GABRG3: variants seen among roughly 807,000 people sequenced by gnomAD.
GABRG3 encodes the protein gamma-aminobutyric acid type A receptor subunit gamma3.
Under a neutral mutation model 48.8 loss-of-function variants are expected in GABRG3, and 25 were observed. The ratio of observed to expected loss-of-function variants is 0.51; its 90% CI spans 0.37 to 0.72. The LOEUF (loss-of-function observed/expected upper bound fraction) is 0.72. GABRG3 is among the 30% of genes least tolerant of loss of function. GABRG3 has a pLI of 0.00. For synonymous variants in GABRG3, 227 were observed against 217.6 expected, an observed-to-expected ratio of 1.04 and a Z score of -0.38; for missense variants, 394 against 577.9, an observed-to-expected ratio of 0.68 and a Z score of 3.26.
intron 3 of GABRG3, among the ~76,000 whole-genome samples, chr15:27,306,585 CAT>C (rs1204220863): frequency 4.3e-3 from 181 of 42,536 alleles, no homozygotes; most frequent in East Asian, 0.013. Context: ...TATATATAAA[CAT>C]ATAATATAAA....
At chr15:27,307,711 C>T (rs189482588) in intron 3 of GABRG3, among the ~76,000 whole-genome samples, 1 of 103,366 alleles carries the variant, frequency 9.7e-6, no homozygotes, top group African/African-American at 4.4e-5. Context: ...ATATATAAAC[C>T]TATAGGTTTA....
chr15:27,505,278 T>A (rs941033313), intron 6 of GABRG3, among the ~76,000 whole-genome samples: 1 of 152,188 alleles, frequency 6.6e-6, no homozygotes, highest in Non-Finnish European at 1.5e-5. Flanking sequence ...CAATATAACT[T>A]ATTACTGGTG....
At chr15:27,277,416 T>G (rs1428502954) in intron 3 of GABRG3, among the ~76,000 whole-genome samples, 1 of 152,220 alleles carries the variant, frequency 6.6e-6, no homozygotes, top group African/African-American at 2.4e-5. Context: ...GAGTACAAAC[T>G]AGTTTATATT....
intron 3 of GABRG3, among the ~76,000 whole-genome samples, chr15:27,119,798 GT>G (rs1161334167): frequency 2.0e-5 from 3 of 152,226 alleles, no homozygotes; most frequent in African/African-American, 7.2e-5. Context: ...AGGTGCCACA[GT>G]TCCAAGAAGC....
intron 6 of GABRG3, among the ~76,000 whole-genome samples, chr15:27,505,313 A>G (rs1392245972): frequency 3.3e-5 from 5 of 152,162 alleles, no homozygotes; most frequent in Non-Finnish European, 1.5e-5. Flanking sequence ...CACTTGGTTA[A>G]AGTGCTGTCT....
intron 3 of GABRG3, among the ~76,000 whole-genome samples, chr15:27,047,383 C>G (rs1047071675): frequency 2.6e-5 from 4 of 152,214 alleles, no homozygotes; most frequent in African/African-American, 9.6e-5. Flanking sequence ...TTCATGGGCA[C>G]TGACTATCAT....
intron 5 of GABRG3, among the ~76,000 whole-genome samples, chr15:27,377,374 T>C (rs929702266): frequency 2.6e-5 from 4 of 152,154 alleles, no homozygotes; most frequent in African/African-American, 4.8e-5. Flanking sequence ...ATTGCCTCAC[T>C]CTGCTGGTAC....
chr15:27,008,635 CT>C (rs5811470), intron 2 of GABRG3, among the ~76,000 whole-genome samples: 14 of 148,646 alleles, frequency 9.4e-5, no homozygotes, highest in South Asian at 4.3e-4. Flanking sequence ...GTGCTGGCAG[CT>C]TTTTTTTTTA....
At chr15:27,153,874 A>C (rs1898368442) in intron 3 of GABRG3, among the ~76,000 whole-genome samples, 1 of 151,954 alleles carries the variant, frequency 6.6e-6, no homozygotes, top group South Asian at 2.1e-4. Context: ...GAATCATTCT[A>C]CTCCGATGTT....
chr15:27,091,803 C>A (rs111508202), intron 3 of GABRG3, among the ~76,000 whole-genome samples: 9 of 152,292 alleles, frequency 5.9e-5, no homozygotes, highest in African/African-American at 2.2e-4. Flanking sequence ...ACTCGGCCTG[C>A]CCTATTCAAG....
At chr15:27,529,073 T>C (rs1891353068) in intron 9 of GABRG3, among the ~76,000 whole-genome samples, 1 of 152,204 alleles carries the variant, frequency 6.6e-6, no homozygotes. Flanking sequence ...CAAAATGACA[T>C]GACCACCCTC....
chr15:27,237,578 T>C (rs1566975695), intron 3 of GABRG3, among the ~76,000 whole-genome samples: 1 of 151,874 alleles, frequency 6.6e-6, no homozygotes, highest in African/African-American at 2.4e-5. Context: ...CAGGGATAAG[T>C]TAGGAAAGGT....
chr15:27,315,377 A>C (rs1199524574), intron 3 of GABRG3, among the ~76,000 whole-genome samples: 1 of 152,190 alleles, frequency 6.6e-6, no homozygotes, highest in Non-Finnish European at 1.5e-5. Flanking sequence ...AGTAGGACAA[A>C]ATATACACAT....
chr15:27,221,231 G>A (rs934352665), intron 3 of GABRG3, among the ~76,000 whole-genome samples: 5 of 152,128 alleles, frequency 3.3e-5, no homozygotes, highest in Admixed American at 2.0e-4. Flanking sequence ...GACCTTTTTT[G>A]TAGACATTTG....
intron 5 of GABRG3, among the ~76,000 whole-genome samples, chr15:27,403,118 CAAT>C (rs887919231): frequency 2.6e-5 from 4 of 151,038 alleles, no homozygotes; most frequent in African/African-American, 9.8e-5. Context: ...GAACTAGAAA[CAAT>C]AAATTATAAA....
chr15:27,325,657 T>C (rs1337433280), intron 3 of GABRG3, among the ~76,000 whole-genome samples: 2 of 152,276 alleles, frequency 1.3e-5, no homozygotes, highest in Middle Eastern at 3.4e-3. Context: ...ATATAAGCTC[T>C]AGGAGGGAGG....
chr15:26,997,314 G>C (rs1181307002), intron 2 of GABRG3, among the ~76,000 whole-genome samples: 2 of 151,836 alleles, frequency 1.3e-5, no homozygotes. Flanking sequence ...CTTTATTAAG[G>C]GCAACATCTG....
intron 3 of GABRG3, among the ~76,000 whole-genome samples, chr15:27,138,215 CACAA>C (rs1249887974): frequency 6.6e-6 from 1 of 152,172 alleles, no homozygotes; most frequent in African/African-American, 2.4e-5. Context: ...CAACTTTAGA[CACAA>C]ACAATTTGTC....
rs1893975517 is a variant in GABRG3, at chr15:27,336,314, AAAAG to A, written c.574+7433_574+7436del. On this transcript the variant is annotated intron_variant, in intron 5 of 9. Coordinates refer to ENST00000615808, the MANE Select transcript of GABRG3 (RefSeq NM_033223.5). Reference sequence around the variant, plus strand: ...AGAAAAGAAGAAGGAGAAGGAGAAGAAAAGAAAGAAGATGAAGAAAAAGGAAAGA... The same window carrying A: ...AGAAAAGAAGAAGGAGAAGGAGAAGAAAAGAAGATGAAGAAAAAGGAAAGA... 3.3e-5 allele frequency among the ~76,000 whole-genome samples: 5 copies of A among 151,668 alleles called. No homozygotes were observed. In the East Asian group the frequency reaches 9.7e-4, roughly 29 times the overall value.
Sources: allele counts gnomAD v4.1 joint callset (sites outside exome capture counted in the v4.1 genomes callset), GRCh38; gene constraint gnomAD v4.1.1; transcripts MANE v1.5; gene names NCBI Gene and HGNC (gene_info 2026-07-23, HGNC 2026-07-21).